DNMT1: variants seen among roughly 807,000 people sequenced by gnomAD.
DNMT1 encodes the protein DNA (cytosine-5)-methyltransferase 1.
A neutral mutation model predicts 205.3 loss-of-function variants in DNMT1; 24 were observed. The ratio of observed to expected loss-of-function variants is 0.12; its 90% CI spans 0.08 to 0.16. DNMT1 has a LOEUF of 0.16. Among genes scored for constraint, DNMT1 ranks in the 10% least tolerant of loss-of-function variants. DNMT1 has a pLI of 1.00. For synonymous variants in DNMT1, 817 were observed against 839.8 expected, an observed-to-expected ratio of 0.97 and a Z score of 0.47; for missense variants, 1,293 against 2,177.7, an observed-to-expected ratio of 0.59 and a Z score of 8.09.
intron 5 of DNMT1, among the ~76,000 whole-genome samples, chr19:10,178,998 G>A (rs528205077): frequency 2.2e-4 from 33 of 150,836 alleles, no homozygotes; most frequent in African/African-American, 7.3e-4. Flanking sequence ...GCATGGTGGC[G>A]GGCGCCTGTA....
intron 11 of DNMT1, among the ~76,000 whole-genome samples, chr19:10,164,073 A>AC (rs1459536823): frequency 2.0e-5 from 3 of 151,936 alleles, no homozygotes; most frequent in African/African-American, 7.3e-5. Flanking sequence ...CACCATCAAT[A>AC]CCCCATCTGA....
chr19:10,183,106 C>T (rs1194086155), intron 1 of DNMT1, among the ~76,000 whole-genome samples: 5 of 131,210 alleles, frequency 3.8e-5, no homozygotes, highest in African/African-American at 9.7e-5. Flanking sequence ...CGTATATATA[C>T]GTGTGTATAT....
In DNMT1 at chr19:10,140,187, G is replaced by T; in HGVS notation, c.3665C>A (p.Ser1222Tyr). The stretch of plus-strand genomic sequence containing the variant: ...CTTCTGGGGCAGCCGCTGGCCGCGG[G>T]AGTTGGTGGTCTCCCCAGCCATGAC... The part of the protein sequence containing the change: ...KLVMAGETTN[S>Y]RGQRLPQKGD... The change falls in exon 33 of 41, where the codon TCC becomes TAC. Residue 1222 changes from serine (S) to tyrosine (Y), a missense_variant. Around this residue, in one of 13 missense-constraint regions of DNMT1, gnomAD observed 24 missense variants for 27.2 expected, o/e 0.88. Transcript: ENST00000359526. This position sits in a 1 kb window ranked among gnomAD's most constrained non-coding sequence, Gnocchi z 8.4. 1 of 1,614,026 alleles carries T rather than the reference G, an allele frequency of 6.2e-7. No individual in the cohort carries two copies. The highest frequency in any genetic ancestry group is 1.6e-4 in the Middle Eastern group (1 of 6,062).
intron 7 of DNMT1, among the ~76,000 whole-genome samples, chr19:10,175,118 CACACACACACAT>C (rs202169010): frequency 0.092 from 13,194 of 144,108 alleles, 1,013 homozygotes; most frequent in East Asian, 0.38. Context: ...CACACACACA[CACACACACACAT>C]ATATATAACA....
chr19:10,167,821 G>A (rs2145343746), intron 10 of DNMT1, among the ~76,000 whole-genome samples: 1 of 152,240 alleles, frequency 6.6e-6, no homozygotes, highest in South Asian at 2.1e-4. Context: ...CCAACCCTGA[G>A]AAGGGCCCTG....
chr19:10,158,383 C>T lies in DNMT1; in HGVS notation c.1280+1275G>A, dbSNP rs1036861909. ...GAGGGGAACAACCATCAGCCAAGCA[C>T]GGGGAACGTGTGGGTGCCCTCCCAG... On this transcript the variant is annotated intron_variant, in intron 17 of 40. Transcript: ENST00000359526. Among the ~76,000 whole-genome samples, 3 of 152,182 alleles carry T rather than the reference C, an allele frequency of 2.0e-5. No homozygotes were observed. In the East Asian group the frequency reaches 5.8e-4, roughly 29 times the overall value.
At chr19:10,135,244 C>G (rs563098009) in intron 39 of DNMT1, among the ~76,000 whole-genome samples, 4 of 147,490 alleles carry the variant, frequency 2.7e-5, no homozygotes, top group Non-Finnish European at 4.4e-5. Flanking sequence ...AGAGTGGCTG[C>G]TTCCCGAGAA....
chr19:10,154,837 G>A lies in DNMT1; in HGVS notation c.1645-64C>T, dbSNP rs202036638. 1.2e-5 allele frequency: 19 copies of A among 1,614,100 alleles called. No individual in the cohort carries two copies. The highest frequency in any genetic ancestry group is 1.5e-5 in the Non-Finnish European group (18 of 1,180,038). ...CTGGCCTAAATCCAACTGAAGAACA[G>A]TGTCTGCTGGTTCTGAAGGCAAGTT... is the stretch of plus-strand genomic sequence containing the variant. On this transcript the variant is annotated intron_variant, in intron 20 of 40. Coordinates refer to ENST00000359526, the MANE Select transcript of DNMT1 (RefSeq NM_001130823.3). This position sits in a 1 kb window ranked among gnomAD's most constrained non-coding sequence, Gnocchi z 6.3.
At chr19:10,144,292 C>T in intron 28 of DNMT1, 1 of 371,712 alleles carries the variant, frequency 2.7e-6, no homozygotes, top group South Asian at 2.2e-5. Context: ...CCTATAATTC[C>T]AGCTACTTGG....
chr19:10,143,673 G>C, intron 29 of DNMT1, 93 bp downstream of exon 29: 1 of 1,431,192 alleles, frequency 7.0e-7, no homozygotes, highest in Non-Finnish European at 9.8e-7. Flanking sequence ...CTAACTCTTA[G>C]AACAACTGTG....
chr19:10,177,830 G>C (rs962264030), intron 5 of DNMT1, among the ~76,000 whole-genome samples: 2 of 151,578 alleles, frequency 1.3e-5, no homozygotes, highest in African/African-American at 4.9e-5. Context: ...CTATTCAAGA[G>C]GCTGAGGCAC....
intron 40 of DNMT1, 71 bp downstream of exon 40, chr19:10,134,142 GGCCA>G: frequency 6.5e-7 from 1 of 1,539,488 alleles, no homozygotes; most frequent in Non-Finnish European, 9.0e-7. Context: ...CCAAAACGGT[GGCCA>G]GCAACTGCCC....
chr19:10,171,588 G>A (rs949006678), intron 9 of DNMT1, among the ~76,000 whole-genome samples: 4 of 151,950 alleles, frequency 2.6e-5, no homozygotes, highest in Non-Finnish European at 2.9e-5. Flanking sequence ...GGAGGATCAC[G>A]AGGTCAGGAG....
intron 27 of DNMT1, among the ~76,000 whole-genome samples, chr19:10,147,046 C>A (rs1234746281): frequency 6.6e-6 from 1 of 152,068 alleles, no homozygotes; most frequent in Non-Finnish European, 1.5e-5. Flanking sequence ...GTCGCTTGAG[C>A]CCAGAAGTTT....
At chr19:10,142,812 C>T (rs2089628452) in intron 29 of DNMT1, 1 of 161,760 alleles carries the variant, frequency 6.2e-6, no homozygotes. Context: ...GGTAGAGACC[C>T]CCCAACCATT....
intron 1 of DNMT1, among the ~76,000 whole-genome samples, chr19:10,182,463 G>GTGTGTATATATATACATATATA (rs56032571): frequency 1.7e-5 from 2 of 118,438 alleles, no homozygotes; most frequent in African/African-American, 6.3e-5. Flanking sequence ...GTATATATAT[G>GTGTGTATATATATACATATATA]TGTGTATATA....
In DNMT1 at chr19:10,141,118, C is replaced by T; in HGVS notation, c.3381G>A (p.Lys1127=). Residue 1127 remains lysine, a synonymous_variant, in exon 31 of 41, where the codon AAG becomes AAA. Transcript: ENST00000359526. ...NHARSPGNKG[K]GKGKGKGKPK... is the part of the protein sequence containing the mutation. ...ACAATGACGTACCTTTTCCCTTGCCCTTCCCTTTGTTTCCAGGGCTACGGG... is the reference window on the plus strand; with the variant it reads ...ACAATGACGTACCTTTTCCCTTGCCTTTCCCTTTGTTTCCAGGGCTACGGG... The T allele has an allele frequency of 6.2e-7, 1 of 1,614,058 alleles. No homozygotes were observed. Among genetic ancestry groups the T allele is most frequent in the Non-Finnish European group, 8.5e-7 (1 of 1,180,026 alleles).
rs757300501 is a variant in DNMT1, at chr19:10,149,649, G to C, written c.2390C>G (p.Ala797Gly). ...CCCGTTGCTGCTGTCCTCCCACAGCGCCGTGACCCTGGAATCAGAAGACGG... is the reference window on the plus strand; with the variant it reads ...CCCGTTGCTGCTGTCCTCCCACAGCCCCGTGACCCTGGAATCAGAAGACGG... ...SKPLYLARVTALWEDSSNGQM... is the reference protein window; with the variant it reads ...SKPLYLARVTGLWEDSSNGQM... Residue 797 changes from alanine to glycine, a missense_variant, in exon 26 of 41, where the codon GCG becomes GGG. Physicochemically the swap from Ala to Gly is moderately conservative, Grantham distance 60. Coordinates refer to ENST00000359526, the MANE Select transcript of DNMT1 (RefSeq NM_001130823.3). The C allele has an allele frequency of 3.7e-6, 6 of 1,613,676 alleles. No homozygotes were observed. In the South Asian group the frequency reaches 6.6e-5, roughly 18 times the overall value.
intron 1 of DNMT1, chr19:10,184,448 G>A (rs7253062): frequency 0.34 from 52,184 of 152,002 alleles, 9,539 homozygotes; most frequent in Non-Finnish European, 0.42. Flanking sequence ...CTGGGAAATC[G>A]TGGTCTGATT....
Sources: gnomAD v4.1 joint callset for allele counts (sites outside exome capture counted in the v4.1 genomes callset) on GRCh38, gnomAD v4.1.1 for gene constraint, gnomAD v4.1.1 regional missense constraint, Gnocchi (gnomAD v3.1) non-coding constraint, MANE v1.5 for transcripts, NCBI Gene and HGNC (gene_info 2026-07-23, HGNC 2026-07-21) for gene names.